Variants in HYCC2 observed in about 807,000 individuals in gnomAD.
The protein encoded by HYCC2 is hyccin PI4KA lipid kinase complex subunit 2.
chr2:201,035,984 C>T, the HYCC2 span, among the ~76,000 whole-genome samples: 7 of 152,144 alleles, frequency 4.6e-5, no homozygotes, highest in East Asian at 1.9e-4. Context: ...GAGGAGTACC[C>T]GGCCGTGTGA....
At chr2:200,988,582 A>G in the HYCC2 span, among the ~76,000 whole-genome samples, 1 of 152,228 alleles carries the variant, frequency 6.6e-6, no homozygotes, top group East Asian at 1.9e-4. Flanking sequence ...GGCTTTTCAA[A>G]TGAGAATTTC....
the HYCC2 span, among the ~76,000 whole-genome samples, chr2:200,994,427 G>A: frequency 6.6e-6 from 1 of 152,026 alleles, no homozygotes; most frequent in Non-Finnish European, 1.5e-5. Flanking sequence ...AGTAGAGATG[G>A]GGTTTCACTA....
chr2:200,987,599 C>G, the HYCC2 span: 5 of 1,208,058 alleles, frequency 4.1e-6, no homozygotes, highest in Admixed American at 1.0e-4. Context: ...CATTTTGACC[C>G]AGGCAGATAA....
the HYCC2 span, among the ~76,000 whole-genome samples, chr2:201,060,679 G>C: frequency 9.2e-5 from 14 of 152,222 alleles, 1 homozygote; most frequent in African/African-American, 3.4e-4. Flanking sequence ...TTTAAGCAAT[G>C]GTTATTTCTT....
At chr2:201,011,712 T>C in the HYCC2 span, among the ~76,000 whole-genome samples, 1 of 152,284 alleles carries the variant, frequency 6.6e-6, no homozygotes, top group East Asian at 1.9e-4. Context: ...TACAATATTA[T>C]ACTAAATCAA....
chr2:201,063,086 G>T, the HYCC2 span: 5 of 1,608,758 alleles, frequency 3.1e-6, no homozygotes, highest in Admixed American at 1.7e-5. Context: ...TCACCCTGCC[G>T]TCATGTCTAA....
chr2:201,031,342 C>A, the HYCC2 span, among the ~76,000 whole-genome samples: 1 of 152,048 alleles, frequency 6.6e-6, no homozygotes, highest in African/African-American at 2.4e-5. Flanking sequence ...AAAGAAATCA[C>A]AATATATATT....
the HYCC2 span, chr2:200,979,773 A>C: frequency 6.6e-6 from 1 of 152,610 alleles, no homozygotes; most frequent in Non-Finnish European, 1.5e-5. Context: ...AACCCAATAT[A>C]TTCCCTTCTT....
chr2:200,979,163 A>G, the HYCC2 span: 1 of 151,690 alleles, frequency 6.6e-6, no homozygotes, highest in Non-Finnish European at 1.5e-5. Context: ...TATTTTGGCT[A>G]TTTTTAAACT....
chr2:201,023,936 T>C, the HYCC2 span: 18 of 1,581,056 alleles, frequency 1.1e-5, no homozygotes, highest in Middle Eastern at 1.5e-3. Flanking sequence ...ATATAATACA[T>C]TCTGATCTCC....
the HYCC2 span, among the ~76,000 whole-genome samples, chr2:201,032,078 A>G: frequency 6.6e-6 from 1 of 152,094 alleles, no homozygotes; most frequent in Non-Finnish European, 1.5e-5. Flanking sequence ...CTCCCGCCTC[A>G]GCCTCCCGAG....
At chr2:201,056,718 T>G in the HYCC2 span, among the ~76,000 whole-genome samples, 7,836 of 150,556 alleles carry the variant, frequency 0.052, 464 homozygotes, top group African/African-American at 0.14. Flanking sequence ...TGGGCCTTAA[T>G]ATCCAGCAAA....
At chr2:201,033,196 T>TGAGAGAGAGA in the HYCC2 span, among the ~76,000 whole-genome samples, 3 of 106,210 alleles carry the variant, frequency 2.8e-5, no homozygotes, top group Admixed American at 9.3e-5. Flanking sequence ...TGTGTGTGTG[T>TGAGAGAGAGA]GAGAGAGAGA....
the HYCC2 span, chr2:200,977,873 T>A: frequency 1.3e-5 from 2 of 152,148 alleles, no homozygotes; most frequent in African/African-American, 4.8e-5. Context: ...ATCTTCTGAG[T>A]TAACTATTCA....
At chr2:200,994,195 ATTTT>A in the HYCC2 span, among the ~76,000 whole-genome samples, 1 of 152,090 alleles carries the variant, frequency 6.6e-6, no homozygotes, top group Admixed American at 6.6e-5. Flanking sequence ...CCCAACAGTT[ATTTT>A]TTTAATTATG....
At chr2:200,997,319 T>C in the HYCC2 span, 2 of 644,538 alleles carry the variant, frequency 3.1e-6, no homozygotes, top group Non-Finnish European at 5.4e-6. Flanking sequence ...CCTACAGGAA[T>C]GCAAGCTCCA....
At chr2:201,007,099 C>T in the HYCC2 span, among the ~76,000 whole-genome samples, 1 of 152,142 alleles carries the variant, frequency 6.6e-6, no homozygotes, top group African/African-American at 2.4e-5. Flanking sequence ...TAGTATCTGT[C>T]ATATAAATGC....
chr2:201,038,953 A>C, the HYCC2 span, among the ~76,000 whole-genome samples: 1 of 152,124 alleles, frequency 6.6e-6, no homozygotes, highest in Non-Finnish European at 1.5e-5. Flanking sequence ...TAACTAAAAG[A>C]CAAGCGTATA....
the HYCC2 span, among the ~76,000 whole-genome samples, chr2:201,018,449 T>C: frequency 2.0e-5 from 3 of 152,198 alleles, no homozygotes; most frequent in East Asian, 1.9e-4. Flanking sequence ...TGTTTGAATA[T>C]AGTTACATAC....
Sources: allele counts gnomAD v4.1 joint callset (sites outside exome capture counted in the v4.1 genomes callset), GRCh38; gene constraint gnomAD v4.1.1; transcripts MANE v1.5; gene names NCBI Gene and HGNC (gene_info 2026-07-23, HGNC 2026-07-21).